The following LRRD1 variants were observed in gnomAD, a reference collection of about 807,000 sequenced individuals.
LRRD1 encodes the protein leucine-rich repeat and death domain-containing protein 1.
LRRD1 carries 49 observed loss-of-function variants against 69.5 expected under a neutral mutation model. That is an observed-to-expected ratio of 0.70 (90% CI 0.56 to 0.89). The LOEUF is 0.89. LRRD1 is among the 40% of genes least tolerant of loss of function. The probability of loss-of-function intolerance (pLI) is 0.00; values close to 1 mark genes in which losing one functional copy is unlikely to be tolerated. For synonymous variants in LRRD1, 303 were observed against 338.9 expected (o/e 0.89, Z 1.16); for missense variants, 853 against 956.0 (o/e 0.89, Z 1.42).
At chr7:92,142,477 C>T, downstream of LRRD1, 1 of 456,764 alleles carries the variant, frequency 2.2e-6, no homozygotes, top group South Asian at 1.5e-5. Flanking sequence ...AGAAAGAGTG[C>T]ATCTTCCATA....
intron 1 of LRRD1, among the ~76,000 whole-genome samples, chr7:92,174,336 T>C (rs1789117361): frequency 6.6e-6 from 1 of 151,190 alleles, no homozygotes. Context: ...TGAATGTTTC[T>C]AGCATAAGGA....
intron 3 of LRRD1, among the ~76,000 whole-genome samples, chr7:92,158,801 C>G (rs952991257): frequency 6.6e-6 from 1 of 152,124 alleles, no homozygotes; most frequent in Non-Finnish European, 1.5e-5. Flanking sequence ...AAAATATGTT[C>G]AGGCTCTCCT....
At chr7:92,142,880 A>T (rs1820196428), downstream of LRRD1, 1 of 352,998 alleles carries the variant, frequency 2.8e-6, no homozygotes, top group Admixed American at 3.8e-5. Flanking sequence ...CCAAAGAGAG[A>T]GCAGCAGCAA....
At chr7:92,176,460 T>G (rs763430301) in intron 1 of LRRD1, among the ~76,000 whole-genome samples, 7 of 152,194 alleles carry the variant, frequency 4.6e-5, no homozygotes, top group Non-Finnish European at 1.0e-4. Context: ...CTTATTGCAT[T>G]TTTTAACCCC....
At chr7:92,159,679 T>C (rs1025212008) in intron 2 of LRRD1, among the ~76,000 whole-genome samples, 17 of 149,190 alleles carry the variant, frequency 1.1e-4, no homozygotes, top group African/African-American at 3.2e-4. Flanking sequence ...TGGAGGGCAA[T>C]GGCATGATCT....
chr7:92,144,500 G>A (rs1348364337), downstream of LRRD1, among the ~76,000 whole-genome samples: 4 of 151,656 alleles, frequency 2.6e-5, no homozygotes, highest in Non-Finnish European at 5.9e-5. Flanking sequence ...GGTGGTGGGC[G>A]CCTGTAGTCC....
downstream of LRRD1, chr7:92,142,465 G>T (rs1003469767): frequency 4.6e-5 from 21 of 456,542 alleles, no homozygotes; most frequent in African/African-American, 4.2e-4. Flanking sequence ...TAACCTACCC[G>T]CAGAAAGAGT....
chr7:92,176,707 G>T (rs528534377), intron 1 of LRRD1, among the ~76,000 whole-genome samples: 12 of 151,952 alleles, frequency 7.9e-5, no homozygotes, highest in Non-Finnish European at 1.3e-4. Context: ...GGGACTACAG[G>T]TGCATGCCAC....
chr7:92,146,071 A>G lies in LRRD1; in HGVS notation c.2396+12T>C. 7.2e-7 allele frequency: 1 copy of G among 1,379,730 alleles called. No homozygotes were observed. The highest frequency in any genetic ancestry group is 9.8e-7 in the Non-Finnish European group (1 of 1,016,170). The allele number at this position is 1,379,730 out of a possible 1,614,324, so 85.5% of individuals were successfully genotyped here. A position where few individuals can be genotyped will look rare whatever the true frequency, so the allele number is the denominator to read the frequency against. Reference sequence around the variant, plus strand: ...GAATAAATTTGTACTAAATGCTGTCATTTATACATACCTCTTTGTAGGCAT... The same window carrying G: ...GAATAAATTTGTACTAAATGCTGTCGTTTATACATACCTCTTTGTAGGCAT... On this transcript the variant is annotated intron_variant, in intron 5 of 5. Transcript: ENST00000458448.
rs1820318507 is a variant in LRRD1 at position 92,146,159 on chromosome 7, T to C, written c.2320A>G (p.Ile774Val). The C allele has an allele frequency of 5.8e-6, 9 of 1,541,402 alleles. No homozygotes were observed. Among genetic ancestry groups the C allele is most frequent in the Non-Finnish European group, 7.9e-6 (9 of 1,143,414 alleles). The change falls in exon 5 of 6, where the codon ATC (isoleucine) becomes GTC (valine). Residue 774 changes from isoleucine to valine, a missense_variant. Physicochemically the swap from Ile to Val is conservative, Grantham distance 29. This residue lies in a region of LRRD1 where 739 missense variants were observed against 808.0 expected (regional missense o/e 0.91). Coordinates refer to ENST00000458448, the MANE Select transcript of LRRD1 (RefSeq NM_001161528.2). ...EKIFKIVANN[I>V]TETNFEFLCQ... ...AAAAATTCAAAATTGGTTTCAGTGA[T>C]GTTGTTGGCAACTATCTTGAATATC...
rs10271800 is a variant in LRRD1 at position 92,164,132 on chromosome 7, G to A, written c.1071C>T (p.Ala357=). ...GTGAAATAACTTCCAATTTATTGTC[G>A]GCCAGTTGGAGTTCTTTTATTTTGA... ...QLLKIKELQL[A]DNKLEVISHK... The change falls in exon 2 of 6, where the codon GCC becomes GCT. Residue 357 remains alanine (A), a synonymous_variant. Transcript: ENST00000458448. 2,830 of 1,549,662 alleles carry A rather than the reference G, an allele frequency of 1.8e-3. 46 individuals carry two copies. In the African/African-American group the frequency reaches 0.035, roughly 19 times the overall value.
At chr7:92,166,835 C>T (rs1788922030) in intron 1 of LRRD1, among the ~76,000 whole-genome samples, 1 of 152,066 alleles carries the variant, frequency 6.6e-6, no homozygotes, top group Admixed American at 6.6e-5. Context: ...TGGTGAAACA[C>T]TGAAAACTTT....
chr7:92,143,510 C>T (rs994015612), downstream of LRRD1, among the ~76,000 whole-genome samples: 45 of 152,178 alleles, frequency 3.0e-4, no homozygotes, highest in African/African-American at 1.0e-3. Flanking sequence ...CCGAGCCCTG[C>T]CCCGCGGGAA....
At chr7:92,146,300 A>G (rs1161865953) in intron 4 of LRRD1, 100 bp from the exon 5 acceptor site, 1 of 627,312 alleles carries the variant, frequency 1.6e-6, no homozygotes, top group Non-Finnish European at 2.6e-6. Flanking sequence ...CTTCTATGAA[A>G]TATATATGTT....
intron 1 of LRRD1, among the ~76,000 whole-genome samples, chr7:92,167,534 A>G (rs1406911016): frequency 6.6e-6 from 1 of 152,146 alleles, no homozygotes; most frequent in African/African-American, 2.4e-5. Context: ...TTTTTAAAGT[A>G]ATCTGAGTTA....
intron 4 of LRRD1, among the ~76,000 whole-genome samples, chr7:92,147,500 G>C (rs1331284131): frequency 1.3e-5 from 2 of 151,784 alleles, no homozygotes; most frequent in African/African-American, 4.8e-5. Flanking sequence ...GTTTTGTTTT[G>C]TTTTGTTTTG....
rs1788737433 is a variant in LRRD1 at position 92,158,917 on chromosome 7, C to T, written c.2116+88G>A. The T allele has an allele frequency of 2.6e-5, 26 of 1,014,722 alleles. No homozygotes were observed. The Admixed American group carries it at 7.5e-4, about 29-fold the overall frequency. 62.9% of individuals were successfully genotyped at this position (1,014,722 alleles called of 1,614,324 possible). ...CTTAATACCTTATGTTGACTCTTTG[C>T]CATTCTGTATCTTGTCAGCAAAATT... On this transcript the variant is annotated intron_variant, in intron 3 of 5. Coordinates refer to ENST00000458448, the MANE Select transcript of LRRD1 (RefSeq NM_001161528.2).
chr7:92,167,668 G>A (rs1788941215), intron 1 of LRRD1, among the ~76,000 whole-genome samples: 1 of 151,346 alleles, frequency 6.6e-6, no homozygotes, highest in African/African-American at 2.4e-5. Context: ...ACGAGGTCTG[G>A]AGATCGGGAC....
chr7:92,164,070 A>G lies in LRRD1; in HGVS notation c.1133T>C (p.Ile378Thr), dbSNP rs1788848794. ...ATTTTTCAATAAATTTTTATCAAGTATAAGAATCCTAAGTTCCCTGAAATT... is the reference window on the plus strand; with the variant it reads ...ATTTTTCAATAAATTTTTATCAAGTGTAAGAATCCTAAGTTCCCTGAAATT... Reference protein sequence around the residue: ...IENFRELRILILDKNLLKNIP... With the variant: ...IENFRELRILTLDKNLLKNIP... The change falls in exon 2 of 6, where the codon ATA becomes ACA. Residue 378 changes from isoleucine to threonine, a missense_variant. By Grantham distance (89) the Ile-to-Thr change is moderately conservative. Coordinates refer to ENST00000458448, the MANE Select transcript of LRRD1 (RefSeq NM_001161528.2). 1 of 1,546,998 alleles carries G rather than the reference A, an allele frequency of 6.5e-7. No homozygotes were observed.
Sources: allele counts gnomAD v4.1 joint callset (sites outside exome capture counted in the v4.1 genomes callset), GRCh38; gene constraint gnomAD v4.1.1; regional missense constraint gnomAD v4.1.1; transcripts MANE v1.5; gene names NCBI Gene and HGNC (gene_info 2026-07-23, HGNC 2026-07-21).